Variants in ADAMTS2 observed in about 807,000 individuals in gnomAD.
ADAMTS2 encodes ADAM metallopeptidase with thrombospondin type 1 motif 2.
ADAMTS2 carries 50 observed loss-of-function variants against 123.0 expected under a neutral mutation model. That is an observed-to-expected ratio of 0.41 (90% CI 0.32 to 0.51). ADAMTS2 has a LOEUF of 0.51. Among genes scored for constraint, ADAMTS2 ranks in the 20% least tolerant of loss-of-function variants. The pLI, the probability that ADAMTS2 is intolerant of heterozygous loss-of-function variation, is 0.35. For synonymous variants in ADAMTS2, 678 were observed against 695.4 expected, an observed-to-expected ratio of 0.98 and a Z score of 0.39; for missense variants, 1,494 against 1,705.2, an observed-to-expected ratio of 0.88 and a Z score of 2.18.
intron 3 of ADAMTS2, among the ~76,000 whole-genome samples, chr5:179,217,241 G>A (rs371858094): frequency 6.6e-6 from 1 of 152,328 alleles, no homozygotes; most frequent in African/African-American, 2.4e-5. Context: ...AAAACAGAGT[G>A]CCAAGTGCAA....
rs565409938 is a variant in ADAMTS2, at chr5:179,242,751, C to A, written c.688+30160G>T. Among the ~76,000 whole-genome samples the A allele has an allele frequency of 6.6e-6, 1 of 152,276 alleles. No homozygotes were observed. The highest frequency in any genetic ancestry group is 2.4e-5 in the African/African-American group (1 of 41,558). The stretch of plus-strand genomic sequence containing the variant: ...TGTGGCCAAGAACACAGGGCTCCCT[C>A]TTCCCTCAGATCCCAGTCAAGGAAT... On this transcript the variant is annotated intron_variant, in intron 3 of 21. Coordinates refer to ENST00000251582, the MANE Select transcript of ADAMTS2 (RefSeq NM_014244.5). The surrounding 1 kb of genome is among the most constrained non-coding windows in gnomAD (Gnocchi z 4.2).
intron 4 of ADAMTS2, among the ~76,000 whole-genome samples, chr5:179,190,082 G>A (rs766867603): frequency 4.6e-5 from 7 of 152,158 alleles, no homozygotes; most frequent in Non-Finnish European, 8.8e-5. Flanking sequence ...GTTGTTTCAG[G>A]CCATCTGGAT....
rs1356290531 is a variant in ADAMTS2, at chr5:179,285,377, G to T, written c.535-12313C>A. 6.6e-6 allele frequency among the ~76,000 whole-genome samples: 1 copy of T among 152,244 alleles called. No individual in the cohort carries two copies. Among genetic ancestry groups the T allele is most frequent in the Non-Finnish European group, 1.5e-5 (1 of 68,040 alleles). ...GAATGCCTCACGGGGCCAGCGCAGG[G>T]GCCAGCCAGGCGGCCTTCTGCTAAA... On this transcript the variant is annotated intron_variant, in intron 2 of 21. Transcript: ENST00000251582. This position sits in a 1 kb window ranked among gnomAD's most constrained non-coding sequence, Gnocchi z 4.9.
At chr5:179,215,219 C>T (rs774100822) in intron 3 of ADAMTS2, among the ~76,000 whole-genome samples, 3 of 152,216 alleles carry the variant, frequency 2.0e-5, no homozygotes, top group Non-Finnish European at 2.9e-5. Context: ...GAGGCCGAGG[C>T]GGGTGGATCA....
chr5:179,123,111 C>T (rs969911954), intron 19 of ADAMTS2, among the ~76,000 whole-genome samples: 4 of 152,232 alleles, frequency 2.6e-5, no homozygotes, highest in Admixed American at 2.6e-4. Context: ...CCTGCTGTGC[C>T]CTGGGCAGGG....
chr5:179,114,136 G>C lies in ADAMTS2; in HGVS notation c.3367C>G (p.Leu1123Val). 6.2e-7 allele frequency: 1 copy of C among 1,614,020 alleles called. No individual in the cohort carries two copies. The highest frequency in any genetic ancestry group is 8.5e-7 in the Non-Finnish European group (1 of 1,179,928). The change falls in exon 22 of 22, where the codon CTC (leucine) becomes GTC (valine). Residue 1123 changes from leucine to valine, a missense_variant. Physicochemically the swap from Leu to Val is conservative, Grantham distance 32. This residue lies in a region of ADAMTS2 where 953 missense variants were observed against 1,124.7 expected (regional missense o/e 0.85). Coordinates refer to ENST00000251582, the MANE Select transcript of ADAMTS2 (RefSeq NM_014244.5). ...TCCATGGCTACAGTGGGCACTGGGAGGGTAGGCATGAACACGTCAATGTCG... is the reference window on the plus strand; with the variant it reads ...TCCATGGCTACAGTGGGCACTGGGACGGTAGGCATGAACACGTCAATGTCG... ...HNDIDVFMPTLPVPTVAMEVR... is the reference protein window; with the variant it reads ...HNDIDVFMPTVPVPTVAMEVR...
rs1756917740 is a variant in ADAMTS2, at chr5:179,314,325, C to T, written c.534+29442G>A. On this transcript the variant is annotated intron_variant, in intron 2 of 21. Transcript: ENST00000251582. The surrounding 1 kb of genome is among the most constrained non-coding windows in gnomAD (Gnocchi z 4.5). The stretch of plus-strand genomic sequence containing the variant: ...TGGCTGGGCCTCAGCCTCCTGGCTG[C>T]CACGTCTCACTGGGAGCTGGGCGGC... 6.6e-6 allele frequency among the ~76,000 whole-genome samples: 1 copy of T among 152,222 alleles called. No homozygotes were observed. Among genetic ancestry groups the T allele is most frequent in the Non-Finnish European group, 1.5e-5 (1 of 68,028 alleles).
intron 2 of ADAMTS2, among the ~76,000 whole-genome samples, chr5:179,281,968 A>C (rs1445438787): frequency 1.3e-5 from 2 of 152,164 alleles, no homozygotes; most frequent in Non-Finnish European, 2.9e-5. Context: ...ATCCATTCAG[A>C]TACTTTCCCT....
rs895050650 is a variant in ADAMTS2 at position 179,170,896 on chromosome 5, G to A, written c.975+10176C>T. 1.3e-5 allele frequency among the ~76,000 whole-genome samples: 2 copies of A among 152,098 alleles called. No homozygotes were observed. Among genetic ancestry groups the A allele is most frequent in the East Asian group, 1.9e-4 (1 of 5,184 alleles). On this transcript the variant is annotated intron_variant, in intron 5 of 21. Transcript: ENST00000251582. The surrounding 1 kb of genome is among the most constrained non-coding windows in gnomAD (Gnocchi z 4.3). ...GGCACAAGGATACATCTCCTCCCAC[G>A]TTCATCAGACACCTCAGAGACCTGA...
rs1274299993 is a variant in ADAMTS2 at position 179,328,060 on chromosome 5, G to A, written c.534+15707C>T. On this transcript the variant is annotated intron_variant, in intron 2 of 21. Transcript: ENST00000251582. ...GTTTTGTTTTTTGAGACAGAGTCTCGCTCTGTCGCCCAGGCTGGAGTGCAG... is the reference window on the plus strand; with the variant it reads ...GTTTTGTTTTTTGAGACAGAGTCTCACTCTGTCGCCCAGGCTGGAGTGCAG... Among the ~76,000 whole-genome samples the A allele has an allele frequency of 2.6e-5, 4 of 152,304 alleles. No homozygotes were observed. The East Asian group carries it at 7.7e-4, about 29-fold the overall frequency.
intron 3 of ADAMTS2, among the ~76,000 whole-genome samples, chr5:179,251,672 C>T (rs1218779001): frequency 6.6e-6 from 1 of 152,066 alleles, no homozygotes; most frequent in East Asian, 1.9e-4. Context: ...TGTGAGCCAG[C>T]AATTCTCCTA....
Position 179,153,599 on chromosome 5 carries a change from G to A in ADAMTS2, c.1407C>T (p.Asp469=), listed in dbSNP as rs1763409611. The A allele has an allele frequency of 1.2e-6, 2 of 1,606,112 alleles. No homozygotes were observed. Among genetic ancestry groups the A allele is most frequent in the Non-Finnish European group, 1.7e-6 (2 of 1,179,716 alleles). The change falls in exon 9 of 22, where the codon GAC becomes GAT. Residue 469 remains aspartate, a synonymous_variant. Coordinates refer to ENST00000251582, the MANE Select transcript of ADAMTS2 (RefSeq NM_014244.5). ...GCGCCGGCCAGTCGTGGGCGAAGGG[G>A]TCATCCAGCAGGCAGTCATAGGAGC... The part of the protein sequence containing the change: ...YLHSYDCLLD[D]PFAHDWPALP...
Position 179,189,639 on chromosome 5 carries a change from G to C in ADAMTS2, c.892-8484C>G, listed in dbSNP as rs1390600798. ...CCCAAAGTGCTGGGATTACAGGCGT[G>C]AGCCACCGCGCCCGGCCAGGAGCAA... On this transcript the variant is annotated intron_variant, in intron 4 of 21. Transcript: ENST00000251582. This position sits in a 1 kb window ranked among gnomAD's most constrained non-coding sequence, Gnocchi z 4.2. Among the ~76,000 whole-genome samples the C allele has an allele frequency of 6.7e-6, 1 of 150,322 alleles. No individual in the cohort carries two copies. The highest frequency in any genetic ancestry group is 2.1e-4 in the South Asian group (1 of 4,720).
At chr5:179,266,508 C>T (rs189600943) in intron 3 of ADAMTS2, among the ~76,000 whole-genome samples, 172 of 152,322 alleles carry the variant, frequency 1.1e-3, no homozygotes, top group African/African-American at 4.0e-3. Context: ...ATGGATTCTG[C>T]CCTGGGGCCT....
chr5:179,315,046 C>CA (rs1756948965), intron 2 of ADAMTS2, among the ~76,000 whole-genome samples: 2 of 147,686 alleles, frequency 1.4e-5, no homozygotes, highest in South Asian at 2.2e-4. Flanking sequence ...CCACCCCCCC[C>CA]ACAATCCCCA....
At chr5:179,319,375 G>A (rs72820643) in intron 2 of ADAMTS2, among the ~76,000 whole-genome samples, 4,616 of 152,130 alleles carry the variant, frequency 0.03, 95 homozygotes, top group Non-Finnish European at 0.046. Context: ...ATCATATGCA[G>A]GTATCATATG....
intron 19 of ADAMTS2, among the ~76,000 whole-genome samples, chr5:179,124,251 C>T (rs1273622250): frequency 3.9e-5 from 6 of 152,188 alleles, no homozygotes; most frequent in Non-Finnish European, 5.9e-5. Flanking sequence ...GCTCTGCCAG[C>T]GTGGGCCCTG....
intron 2 of ADAMTS2, among the ~76,000 whole-genome samples, chr5:179,326,207 T>C (rs1010322344): frequency 8.6e-5 from 13 of 150,408 alleles, no homozygotes; most frequent in African/African-American, 3.2e-4. Context: ...TGTGCGTGTG[T>C]GTGTGTGTGT....
chr5:179,111,687 G>C lies in ADAMTS2; in HGVS notation c.*2180C>G, dbSNP rs961432521. On this transcript the variant is annotated 3_prime_UTR_variant, in exon 22 of 22. Transcript: ENST00000251582. ...AGTGTTCCCATCCAGAGGCCCCTAG[G>C]CTGGGTAAACCGAGTCATACTCTCT... 5 of 152,272 alleles carry C rather than the reference G, an allele frequency of 3.3e-5. No homozygotes were observed. The highest frequency in any genetic ancestry group is 3.3e-4 in the Admixed American group (5 of 15,284). The allele number at this position is 152,272 out of a possible 1,614,324, so 9.4% of individuals were successfully genotyped here.
Sources: allele counts gnomAD v4.1 joint callset (sites outside exome capture counted in the v4.1 genomes callset), GRCh38; gene constraint gnomAD v4.1.1; regional missense constraint gnomAD v4.1.1; non-coding constraint Gnocchi (gnomAD v3.1); transcripts MANE v1.5; gene names NCBI Gene and HGNC (gene_info 2026-07-23, HGNC 2026-07-21).